Variants in CACNA1I observed in about 807,000 individuals in gnomAD.
The protein encoded by CACNA1I is voltage-dependent T-type calcium channel subunit alpha-1I.
In CACNA1I, 74 loss-of-function variants were observed where a neutral mutation model predicts 201.6. That is an observed-to-expected ratio of 0.37 (90% CI 0.30 to 0.45). CACNA1I has a LOEUF of 0.45. CACNA1I is among the 20% of genes least tolerant of loss of function. The pLI, the probability that CACNA1I is intolerant of heterozygous loss-of-function variation, is 1.00. For missense variants in CACNA1I, 2,346 were observed against 3,138.1 expected, an observed-to-expected ratio of 0.75 and a Z score of 6.03; for synonymous variants, 1,431 against 1,345.2, an observed-to-expected ratio of 1.06 and a Z score of -1.40.
At chr22:39,663,299 GAGGA>G (rs1935085260) in intron 18 of CACNA1I, among the ~76,000 whole-genome samples, 1 of 152,200 alleles carries the variant, frequency 6.6e-6, no homozygotes. Flanking sequence ...AGGCTTCCTG[GAGGA>G]GGAGGCCTTT....
intron 1 of CACNA1I, chr22:39,571,212 G>T (rs1486315637): frequency 3.4e-6 from 2 of 584,678 alleles, no homozygotes; most frequent in South Asian, 2.0e-5. Context: ...GGAAGTTGCT[G>T]GTGGCTGTGG....
chr22:39,600,414 C>A, intron 2 of CACNA1I, 106 bp from the exon 3 acceptor site: 2 of 887,790 alleles, frequency 2.3e-6, no homozygotes, highest in East Asian at 2.6e-5. Flanking sequence ...GTTTCCCAGG[C>A]CCCTTGCATC....
chr22:39,624,720 C>T (rs912408666), intron 4 of CACNA1I, among the ~76,000 whole-genome samples: 8 of 152,218 alleles, frequency 5.3e-5, no homozygotes, highest in Non-Finnish European at 1.0e-4. Context: ...GGTGCCAGGT[C>T]CCCTGCCCAG....
At chr22:39,656,355 A>G (rs2037622187) in intron 10 of CACNA1I, 1 of 514,260 alleles carries the variant, frequency 1.9e-6, no homozygotes, top group Non-Finnish European at 3.9e-6. Flanking sequence ...TGGGTCCTCC[A>G]CCTGCACACC....
At chr22:39,642,757 G>A in intron 6 of CACNA1I, 40 bp from the exon 7 acceptor site, 7 of 1,455,468 alleles carry the variant, frequency 4.8e-6, no homozygotes, top group Non-Finnish European at 6.7e-6. Flanking sequence ...GCTTTCTGAT[G>A]GGCCAGTCCT....
chr22:39,599,568 G>A (rs1181325232), intron 2 of CACNA1I, among the ~76,000 whole-genome samples: 2 of 138,368 alleles, frequency 1.4e-5, no homozygotes, highest in Admixed American at 7.5e-5. Context: ...GCAGTGAGCC[G>A]AGATCCCGCC....
chr22:39,607,121 C>T (rs900669025), intron 3 of CACNA1I, among the ~76,000 whole-genome samples: 1 of 152,164 alleles, frequency 6.6e-6, no homozygotes, highest in African/African-American at 2.4e-5. Flanking sequence ...TGGGATCTCT[C>T]CAGAATGAGG....
intron 1 of CACNA1I, among the ~76,000 whole-genome samples, chr22:39,592,495 C>T (rs939681333): frequency 6.6e-6 from 1 of 152,148 alleles, no homozygotes; most frequent in African/African-American, 2.4e-5. Flanking sequence ...TCTCTAACGA[C>T]GCTGGCAGGG....
chr22:39,661,870 G>C lies in CACNA1I; in HGVS notation c.2902-95G>C. On this transcript the variant is annotated intron_variant, in intron 16 of 36. Coordinates refer to ENST00000402142, the MANE Select transcript of CACNA1I (RefSeq NM_021096.4). ...CCCGCTGGCCAGGTGGGTGGTCTTA[G>C]AGCCACAGCGGGGGTGCAGGCTGCC... is the stretch of plus-strand genomic sequence containing the variant. 3 of 766,354 alleles carry C rather than the reference G, an allele frequency of 3.9e-6. No homozygotes were observed. The South Asian group carries it at 5.8e-5, about 15-fold the overall frequency. 47.5% of individuals were successfully genotyped at this position (766,354 alleles called of 1,614,324 possible).
At position 39,677,772 on chromosome 22, in the gene CACNA1I, T is replaced by C. The variant is rs1935559736; in HGVS notation, c.4934-215T>C. 6.6e-6 allele frequency among the ~76,000 whole-genome samples: 1 copy of C among 152,136 alleles called. No homozygotes were observed. On this transcript the variant is annotated intron_variant, in intron 30 of 36. Transcript: ENST00000402142. This position sits in a 1 kb window ranked among gnomAD's most constrained non-coding sequence, Gnocchi z 4.8. Reference sequence around the variant, plus strand: ...TTTCACCCTCTTTCTCAGAAACCCATTCTTCGGCGGGGAGCAGAGCCAGAC... The same window carrying C: ...TTTCACCCTCTTTCTCAGAAACCCACTCTTCGGCGGGGAGCAGAGCCAGAC...
intron 31 of CACNA1I, 111 bp downstream of exon 31, chr22:39,678,219 G>A: frequency 7.8e-7 from 1 of 1,277,504 alleles, no homozygotes; most frequent in Non-Finnish European, 1.1e-6. Flanking sequence ...CACATGGGAG[G>A]GGCATGCAGG....
chr22:39,598,893 C>T (rs1932955788), intron 2 of CACNA1I, among the ~76,000 whole-genome samples: 2 of 148,936 alleles, frequency 1.3e-5, no homozygotes, highest in Non-Finnish European at 3.0e-5. Flanking sequence ...GTGCAACTCC[C>T]TGGGAAAGCC....
intron 8 of CACNA1I, among the ~76,000 whole-genome samples, chr22:39,647,232 C>G (rs570493465): frequency 6.6e-6 from 1 of 152,206 alleles, no homozygotes; most frequent in Non-Finnish European, 1.5e-5. Context: ...AATTCTTCCC[C>G]CCCACTGCAG....
chr22:39,635,694 G>C (rs931152150), intron 5 of CACNA1I, among the ~76,000 whole-genome samples: 1 of 152,160 alleles, frequency 6.6e-6, no homozygotes, highest in African/African-American at 2.4e-5. Flanking sequence ...GAAGAGGCAG[G>C]TCCTGAGGCA....
chr22:39,631,228 T>G (rs1055714923), intron 4 of CACNA1I, among the ~76,000 whole-genome samples: 1 of 152,178 alleles, frequency 6.6e-6, no homozygotes, highest in Non-Finnish European at 1.5e-5. Flanking sequence ...GCCACCCTAC[T>G]GGGACTGGGA....
chr22:39,649,654 A>G lies in CACNA1I; in HGVS notation c.1721A>G (p.Gln574Arg). 20 of 1,518,162 alleles carry G rather than the reference A, an allele frequency of 1.3e-5. No homozygotes were observed. The highest frequency in any genetic ancestry group is 1.7e-5 in the Non-Finnish European group (19 of 1,130,266). The allele number at this position is 1,518,162 out of a possible 1,614,324, so 94.0% of individuals were successfully genotyped here. A position where few individuals can be genotyped will look rare whatever the true frequency, so the allele number is the denominator to read the frequency against. ...PSGLGSTDSG[Q>R]EGSGSGSSAG... ...GGCCTGGGCAGCACCGACTCGGGCCAGGAGGGCTCGGGCTCCGGGAGCTCC... is the reference window on the plus strand; with the variant it reads ...GGCCTGGGCAGCACCGACTCGGGCCGGGAGGGCTCGGGCTCCGGGAGCTCC... Residue 574 changes from glutamine to arginine, a missense_variant, in exon 10 of 37, where the codon CAG (glutamine) becomes CGG (arginine). Around this residue, in one of 13 missense-constraint regions of CACNA1I, gnomAD observed 312 missense variants for 331.5 expected, o/e 0.94. Transcript: ENST00000402142. This position sits in a 1 kb window ranked among gnomAD's most constrained non-coding sequence, Gnocchi z 7.3.
chr22:39,679,077 C>T, intron 31 of CACNA1I, 30 bp from the exon 32 acceptor site: 1 of 1,530,862 alleles, frequency 6.5e-7, no homozygotes, highest in South Asian at 1.3e-5. Context: ...TGTCTCCGTC[C>T]TCATCCTCAC....
chr22:39,619,223 C>A lies in CACNA1I; in HGVS notation c.483-87C>A, dbSNP rs977291892. On this transcript the variant is annotated intron_variant, in intron 3 of 36. Coordinates refer to ENST00000402142, the MANE Select transcript of CACNA1I (RefSeq NM_021096.4). ...TACTTGCCCTGTCCAGGCAGTAGTG[C>A]GCAGGTGGCTGGAGAATGCTGTGGC... is the stretch of plus-strand genomic sequence containing the variant. 4.1e-6 allele frequency: 4 copies of A among 970,940 alleles called. No homozygotes were observed. The Admixed American group carries it at 6.8e-5, about 17-fold the overall frequency. 60.1% of individuals were successfully genotyped at this position (970,940 alleles called of 1,614,324 possible).
intron 4 of CACNA1I, among the ~76,000 whole-genome samples, chr22:39,622,717 G>A (rs901455374): frequency 4.0e-5 from 6 of 151,556 alleles, no homozygotes; most frequent in Admixed American, 6.6e-5. Flanking sequence ...GCAGCAAGTG[G>A]GTGGGAGAGG....
Sources: allele counts gnomAD v4.1 joint callset (sites outside exome capture counted in the v4.1 genomes callset), GRCh38; gene constraint gnomAD v4.1.1; regional missense constraint gnomAD v4.1.1; non-coding constraint Gnocchi (gnomAD v3.1); transcripts MANE v1.5; gene names NCBI Gene and HGNC (gene_info 2026-07-23, HGNC 2026-07-21).